SUPT16H: variants seen among roughly 807,000 people sequenced by gnomAD.
SUPT16H encodes the protein FACT complex subunit SPT16.
A neutral mutation model predicts 136.2 loss-of-function variants in SUPT16H; 24 were observed. The observed-to-expected ratio is 0.18, with a 90% CI of 0.13 to 0.25. The LOEUF is 0.25. SUPT16H is among the 10% of genes least tolerant of loss of function. The pLI, the probability that SUPT16H is intolerant of heterozygous loss-of-function variation, is 1.00. For missense variants in SUPT16H, 623 were observed against 1,270.2 expected (o/e 0.49, Z 7.74); for synonymous variants, 415 against 428.2 (o/e 0.97, Z 0.38).
Position 21,363,096 on chromosome 14 carries a change from A to C in SUPT16H, c.1449T>G (p.Ala483=). 1 of 1,613,852 alleles carries C rather than the reference A, an allele frequency of 6.2e-7. No homozygotes were observed. The highest frequency in any genetic ancestry group is 8.5e-7 in the Non-Finnish European group (1 of 1,180,006). The change falls in exon 13 of 26, where the codon GCT becomes GCG. Residue 483 remains alanine, a synonymous_variant. Coordinates refer to ENST00000216297, the MANE Select transcript of SUPT16H (RefSeq NM_007192.4). ...GCCTCTTTGCTTCTTCATTGAGTTG[A>C]GCCGCTAGTTCTTTCTGATGTGCTC... ...KRRAHQKELA[A]QLNEEAKRRL...
intron 7 of SUPT16H, among the ~76,000 whole-genome samples, chr14:21,368,041 G>A (rs923994039): frequency 2.0e-5 from 3 of 152,154 alleles, no homozygotes; most frequent in African/African-American, 7.2e-5. Context: ...TTCAGTCTGA[G>A]TAGCTGGGAC....
At chr14:21,378,308 G>A (rs1886949223) in intron 1 of SUPT16H, among the ~76,000 whole-genome samples, 1 of 151,920 alleles carries the variant, frequency 6.6e-6, no homozygotes, top group Non-Finnish European at 1.5e-5. Flanking sequence ...TTTTTTAAAG[G>A]AGAAAAACTG....
intron 10 of SUPT16H, among the ~76,000 whole-genome samples, chr14:21,363,958 C>T (rs988066751): frequency 6.6e-6 from 1 of 152,124 alleles, no homozygotes; most frequent in Admixed American, 6.5e-5. Flanking sequence ...GGATTACACG[C>T]GTGAGCCACT....
chr14:21,369,349 G>C lies in SUPT16H; in HGVS notation c.637C>G (p.Arg213Gly). ...ACAGACTCAGCCAGTTTGCTGTGTC[G>C]AACTTTCTGTAAGAGCATCCAGAAA... ...MEIVDADEKV[R>G]HSKLAESVEK... Residue 213 changes from arginine to glycine, a missense_variant, in exon 6 of 26, where the codon CGA becomes GGA. Around this residue, in one of 7 missense-constraint regions of SUPT16H, gnomAD observed 343 missense variants for 525.7 expected, o/e 0.65. Coordinates refer to ENST00000216297, the MANE Select transcript of SUPT16H (RefSeq NM_007192.4). 11 of 1,614,014 alleles carry C rather than the reference G, an allele frequency of 6.8e-6. No homozygotes were observed. The highest frequency in any genetic ancestry group is 9.3e-6 in the Non-Finnish European group (11 of 1,179,946).
At chr14:21,370,106 G>C (rs1886753887) in intron 4 of SUPT16H, among the ~76,000 whole-genome samples, 1 of 152,138 alleles carries the variant, frequency 6.6e-6, no homozygotes, top group Non-Finnish European at 1.5e-5. Flanking sequence ...GAGGTGTTAA[G>C]CTAATGTACC....
At chr14:21,357,175 G>A (rs912489519) in intron 22 of SUPT16H, 22 bp downstream of exon 22, 3 of 1,540,210 alleles carry the variant, frequency 1.9e-6, no homozygotes, top group Middle Eastern at 1.9e-4. Flanking sequence ...CTAAATGGGA[G>A]ACTGATGGCA....
intron 9 of SUPT16H, 43 bp from the exon 10 acceptor site, chr14:21,364,982 T>C (rs1289681680): frequency 6.2e-7 from 1 of 1,608,950 alleles, no homozygotes; most frequent in Non-Finnish European, 8.5e-7. Context: ...TGTGACAATG[T>C]GGAGAGGTGT....
intron 2 of SUPT16H, 173 bp from the exon 3 acceptor site, chr14:21,372,217 G>A (rs1404374825): frequency 4.7e-6 from 3 of 635,808 alleles, no homozygotes; most frequent in South Asian, 2.3e-5. Flanking sequence ...GCCAAGAGTC[G>A]ACAATTTATT....
At position 21,363,145 on chromosome 14, in the gene SUPT16H, TC is replaced by T. The variant is rs777056361; in HGVS notation, c.1399del (p.Glu467LysfsTer2). 1 of 1,613,942 alleles carries T rather than the reference TC, an allele frequency of 6.2e-7. No homozygotes were observed. Among genetic ancestry groups the T allele is most frequent in the South Asian group, 1.1e-5 (1 of 91,082 alleles). On this transcript the variant is annotated frameshift_variant, in exon 13 of 26. Transcript: ENST00000216297. LOFTEE classifies it high-confidence loss of function. ...AALLTERTRN[E>X]MTAEEKRRAH... is the part of the protein sequence containing the mutation. The stretch of plus-strand genomic sequence containing the variant: ...TCTTCGCTTCTCTTCTGCAGTCATT[TC>T]ATTCTGGTGAATGGAAAATCCAATT...
At chr14:21,372,587 CTCTG>C (rs765229540) in intron 2 of SUPT16H, 4 of 397,182 alleles carry the variant, frequency 1.0e-5, no homozygotes, top group Admixed American at 7.6e-5. Context: ...CTGTTTTCTT[CTCTG>C]TCTCTTTTTG....
At chr14:21,377,076 G>GAAAAAAAAA (rs11323425) in intron 1 of SUPT16H, among the ~76,000 whole-genome samples, 3,925 of 108,894 alleles carry the variant, frequency 0.036, 3 homozygotes, top group Non-Finnish European at 0.047. Flanking sequence ...GAAAGAAAAA[G>GAAAAAAAAA]AAAAAAAAAA....
At chr14:21,383,829 G>T in intron 1 of SUPT16H, 33 bp downstream of exon 1, 7 of 1,612,490 alleles carry the variant, frequency 4.3e-6, no homozygotes, top group Non-Finnish European at 5.9e-6. Flanking sequence ...GGCTAAGGGG[G>T]CTCCCTAGGA....
In SUPT16H at chr14:21,369,319, T is replaced by C; in HGVS notation, c.667A>G (p.Lys223Glu). The change falls in exon 6 of 26, where the codon AAG (lysine) becomes GAG (glutamate). Residue 223 changes from lysine (K) to glutamate (E), a missense_variant. Physicochemically the swap from Lys to Glu is moderately conservative, Grantham distance 56. Around this residue, in one of 7 missense-constraint regions of SUPT16H, gnomAD observed 343 missense variants for 525.7 expected, o/e 0.65. Coordinates refer to ENST00000216297, the MANE Select transcript of SUPT16H (RefSeq NM_007192.4). ...AGGTATTTTTTCTCTTCAATGGCCTTTTCCACAGACTCAGCCAGTTTGCTG... is the reference window on the plus strand; with the variant it reads ...AGGTATTTTTTCTCTTCAATGGCCTCTTCCACAGACTCAGCCAGTTTGCTG... The part of the protein sequence containing the change: ...RHSKLAESVE[K>E]AIEEKKYLAG... 1.2e-6 allele frequency: 2 copies of C among 1,614,196 alleles called. No individual in the cohort carries two copies. The highest frequency in any genetic ancestry group is 1.7e-6 in the Non-Finnish European group (2 of 1,180,030).
chr14:21,383,765 A>G (rs778511062), intron 1 of SUPT16H, 97 bp downstream of exon 1: 2 of 1,416,106 alleles, frequency 1.4e-6, no homozygotes, highest in Admixed American at 3.4e-5. Context: ...AGAACCCGGG[A>G]ATTCCTGACC....
At chr14:21,381,371 C>T (rs1325586509) in intron 1 of SUPT16H, among the ~76,000 whole-genome samples, 1 of 151,984 alleles carries the variant, frequency 6.6e-6, no homozygotes, top group Non-Finnish European at 1.5e-5. Flanking sequence ...AATTCCTATT[C>T]TTATTTTTAA....
At chr14:21,381,271 G>C (rs1887017300) in intron 1 of SUPT16H, among the ~76,000 whole-genome samples, 1 of 151,992 alleles carries the variant, frequency 6.6e-6, no homozygotes, top group South Asian at 2.1e-4. Context: ...TAGGACATAA[G>C]TTATGAAAAT....
At chr14:21,364,699 G>C (rs1344791235) in intron 10 of SUPT16H, 128 bp downstream of exon 10, 1 of 716,860 alleles carries the variant, frequency 1.4e-6, no homozygotes, top group Non-Finnish European at 2.4e-6. Flanking sequence ...AGCTGCATTA[G>C]GTTAGGCTGT....
intron 8 of SUPT16H, 77 bp downstream of exon 8, chr14:21,366,362 G>T: frequency 7.4e-7 from 1 of 1,354,286 alleles, no homozygotes; most frequent in Non-Finnish European, 1.0e-6. Context: ...CAATCAATTA[G>T]CCTAAAGAAA....
chr14:21,377,994 A>G (rs1315552162), intron 1 of SUPT16H, among the ~76,000 whole-genome samples: 5 of 152,312 alleles, frequency 3.3e-5, no homozygotes, highest in African/African-American at 1.2e-4. Context: ...GCTCTTGGAT[A>G]TAGGGGACCC....
Sources: allele counts gnomAD v4.1 joint callset (sites outside exome capture counted in the v4.1 genomes callset), GRCh38; gene constraint gnomAD v4.1.1; regional missense constraint gnomAD v4.1.1; transcripts MANE v1.5; gene names NCBI Gene and HGNC (gene_info 2026-07-23, HGNC 2026-07-21).